The following KCTD8 variants were observed in gnomAD, a reference collection of about 807,000 sequenced individuals.
KCTD8 encodes potassium channel tetramerization domain containing 8.
Under a neutral mutation model 31.5 loss-of-function variants are expected in KCTD8, and 27 were observed. The observed-to-expected ratio is 0.86, with a 90% CI of 0.63 to 1.18. The LOEUF is 1.18. Ranked by LOEUF, KCTD8 falls within the 50% of genes most tolerant of loss-of-function variation. The probability of loss-of-function intolerance (pLI) is 0.00; values close to 1 mark genes in which losing one functional copy is unlikely to be tolerated. For synonymous variants in KCTD8, 290 were observed against 280.0 expected, an observed-to-expected ratio of 1.04 and a Z score of -0.36; for missense variants, 658 against 647.7, an observed-to-expected ratio of 1.02 and a Z score of -0.17.
At chr4:44,236,528 T>C (rs1043732419) in intron 1 of KCTD8, among the ~76,000 whole-genome samples, 5 of 152,194 alleles carry the variant, frequency 3.3e-5, no homozygotes, top group Non-Finnish European at 7.3e-5. Context: ...GTGAGTTGTC[T>C]GTATTTAATT....
rs770203655 is a variant in KCTD8 at position 44,447,656 on chromosome 4, T to C, written c.868A>G (p.Met290Val). 3 of 1,611,414 alleles carry C rather than the reference T, an allele frequency of 1.9e-6. No homozygotes were observed. Among genetic ancestry groups the C allele is most frequent in the South Asian group, 2.2e-5 (2 of 90,506 alleles). ...FDRLSEAGFH[M>V]VACNSSGTAA... ...GTGCCCGAGGAGTTACACGCCACCA[T>C]GTGGAAGCCGGCCTCGGACAGGCGA... Residue 290 changes from methionine to valine, a missense_variant, in exon 1 of 2, where the codon ATG becomes GTG. Met to Val is a conservative substitution (Grantham distance 21). Coordinates refer to ENST00000360029, the MANE Select transcript of KCTD8 (RefSeq NM_198353.3).
intron 1 of KCTD8, among the ~76,000 whole-genome samples, chr4:44,355,811 G>A (rs977563716): frequency 7.2e-5 from 11 of 152,174 alleles, no homozygotes; most frequent in South Asian, 6.2e-4. Context: ...AATATCAAAC[G>A]CAAATTAAGA....
At chr4:44,325,691 T>C (rs1048719343) in intron 1 of KCTD8, among the ~76,000 whole-genome samples, 7 of 151,952 alleles carry the variant, frequency 4.6e-5, no homozygotes, top group African/African-American at 1.7e-4. Flanking sequence ...GCATATGATA[T>C]ATACCTTTGC....
At chr4:44,421,451 T>C (rs751471383) in intron 1 of KCTD8, among the ~76,000 whole-genome samples, 5 of 152,086 alleles carry the variant, frequency 3.3e-5, no homozygotes, top group Non-Finnish European at 7.4e-5. Context: ...ACAGAGATTC[T>C]GATTCAGTAT....
intron 1 of KCTD8, among the ~76,000 whole-genome samples, chr4:44,290,125 A>G (rs915419738): frequency 5.3e-5 from 8 of 152,136 alleles, no homozygotes; most frequent in African/African-American, 1.7e-4. Flanking sequence ...AGAAAGATCT[A>G]CCATACAAAT....
chr4:44,235,162 T>G (rs1004284670), intron 1 of KCTD8, among the ~76,000 whole-genome samples: 1 of 150,674 alleles, frequency 6.6e-6, no homozygotes, highest in African/African-American at 2.4e-5. Flanking sequence ...AAATAAGCAC[T>G]TATATTTCAG....
intron 1 of KCTD8, among the ~76,000 whole-genome samples, chr4:44,339,465 T>C (rs747918082): frequency 1.6e-4 from 25 of 152,128 alleles, no homozygotes; most frequent in Non-Finnish European, 3.4e-4. Flanking sequence ...ACAGGGTCGA[T>C]TCAAATGATA....
intron 1 of KCTD8, among the ~76,000 whole-genome samples, chr4:44,245,172 A>T (rs181429495): frequency 3.2e-4 from 48 of 152,268 alleles, no homozygotes; most frequent in African/African-American, 1.1e-3. Context: ...AAGAAGCATT[A>T]CAGGTGGGAT....
intron 1 of KCTD8, among the ~76,000 whole-genome samples, chr4:44,235,847 A>G (rs35472898): frequency 0.25 from 38,354 of 151,540 alleles, 4,956 homozygotes; most frequent in South Asian, 0.32. Flanking sequence ...CACAGCTTTC[A>G]CCTTGATTAC....
At chr4:44,357,042 C>G (rs959290607) in intron 1 of KCTD8, among the ~76,000 whole-genome samples, 1 of 149,552 alleles carries the variant, frequency 6.7e-6, no homozygotes, top group African/African-American at 2.5e-5. Context: ...CCATTTCCCA[C>G]AAAACTCTAT....
chr4:44,423,087 A>G (rs1721261318), intron 1 of KCTD8, among the ~76,000 whole-genome samples: 1 of 152,030 alleles, frequency 6.6e-6, no homozygotes, highest in Non-Finnish European at 1.5e-5. Context: ...ATCTGGGAAC[A>G]TTTTTCATTG....
At chr4:44,242,569 T>A (rs1297778510) in intron 1 of KCTD8, among the ~76,000 whole-genome samples, 1 of 151,480 alleles carries the variant, frequency 6.6e-6, no homozygotes. Context: ...AAGGGCGGGA[T>A]TCCGTCTCAA....
intron 1 of KCTD8, among the ~76,000 whole-genome samples, chr4:44,354,972 T>A (rs4569790): frequency 0.58 from 88,581 of 151,938 alleles, 26,791 homozygotes; most frequent in South Asian, 0.68. Flanking sequence ...AATGAATAAA[T>A]GCACAATAAT....
intron 1 of KCTD8, among the ~76,000 whole-genome samples, chr4:44,335,400 C>T (rs1363616315): frequency 1.3e-5 from 2 of 151,528 alleles, no homozygotes; most frequent in African/African-American, 2.4e-5. Flanking sequence ...CACCAAACCC[C>T]GAGACACACA....
At chr4:44,299,997 G>C (rs988508162) in intron 1 of KCTD8, among the ~76,000 whole-genome samples, 5 of 151,820 alleles carry the variant, frequency 3.3e-5, no homozygotes, top group African/African-American at 9.7e-5. Context: ...GTGACCACCC[G>C]CCTCGGCCTC....
chr4:44,179,521 A>T (rs935689847), intron 1 of KCTD8, among the ~76,000 whole-genome samples: 19 of 148,396 alleles, frequency 1.3e-4, no homozygotes, highest in African/African-American at 4.4e-4. Flanking sequence ...ATATATTTTT[A>T]TATATATATA....
At chr4:44,211,290 T>C (rs1193956595) in intron 1 of KCTD8, among the ~76,000 whole-genome samples, 1 of 152,226 alleles carries the variant, frequency 6.6e-6, no homozygotes, top group Non-Finnish European at 1.5e-5. Flanking sequence ...GTCATACATC[T>C]ACATATTTCA....
chr4:44,444,770 A>C (rs1489522983), intron 1 of KCTD8, among the ~76,000 whole-genome samples: 1 of 151,172 alleles, frequency 6.6e-6, no homozygotes, highest in Non-Finnish European at 1.5e-5. Flanking sequence ...TCTACTGCAG[A>C]AACTCAGGTG....
intron 1 of KCTD8, among the ~76,000 whole-genome samples, chr4:44,358,569 T>G (rs2109428857): frequency 1.6e-5 from 2 of 121,570 alleles, no homozygotes; most frequent in East Asian, 3.9e-4. Flanking sequence ...TTTCCTGACT[T>G]TTTTTTTTTT....
Sources: gnomAD v4.1 joint callset for allele counts (sites outside exome capture counted in the v4.1 genomes callset) on GRCh38, gnomAD v4.1.1 for gene constraint, MANE v1.5 for transcripts, NCBI Gene and HGNC (gene_info 2026-07-23, HGNC 2026-07-21) for gene names.